Variants in PDZRN4 observed in about 807,000 individuals in gnomAD.
The protein encoded by PDZRN4 is PDZ domain containing ring finger 4.
In PDZRN4, 70 loss-of-function variants were observed where a neutral mutation model predicts 99.0. The observed-to-expected ratio is 0.71, with a 90% confidence interval of 0.58 to 0.86. The LOEUF (loss-of-function observed/expected upper bound fraction) is 0.86, where lower values mean the gene tolerates loss of function less well. Among genes scored for constraint, PDZRN4 ranks in the 40% least tolerant of loss-of-function variants. The pLI, the probability that PDZRN4 is intolerant of heterozygous loss-of-function variation, is 0.00. For missense variants in PDZRN4, 1,474 were observed against 1,331.2 expected (o/e 1.11, Z -1.67); for synonymous variants, 551 against 501.6 (o/e 1.10, Z -1.32).
intron 3 of PDZRN4, among the ~76,000 whole-genome samples, chr12:41,199,046 T>A (rs770357714): frequency 6.6e-6 from 1 of 152,190 alleles, no homozygotes; most frequent in Non-Finnish European, 1.5e-5. Flanking sequence ...GAAAATTAAT[T>A]GCAGTTCAGA....
At chr12:41,568,440 A>G (rs770292322) in intron 9 of PDZRN4, among the ~76,000 whole-genome samples, 4 of 152,172 alleles carry the variant, frequency 2.6e-5, no homozygotes, top group Non-Finnish European at 2.9e-5. Context: ...CACATTTCCC[A>G]TAGTATAACT....
At chr12:41,335,331 T>C (rs934893482) in intron 3 of PDZRN4, among the ~76,000 whole-genome samples, 1 of 152,014 alleles carries the variant, frequency 6.6e-6, no homozygotes, top group African/African-American at 2.4e-5. Flanking sequence ...TTGTTACATA[T>C]GTATACATGT....
chr12:41,488,740 C>T (rs879265732), intron 3 of PDZRN4, among the ~76,000 whole-genome samples: 1 of 152,116 alleles, frequency 6.6e-6, no homozygotes, highest in East Asian at 1.9e-4. Context: ...AGATATAATC[C>T]AAGTCAATTT....
At chr12:41,194,236 G>A (rs1950757037) in intron 3 of PDZRN4, 48 bp downstream of exon 3, 1 of 884,080 alleles carries the variant, frequency 1.1e-6, no homozygotes, top group African/African-American at 1.7e-5. Context: ...GAAAGATTGG[G>A]ATATTTTAAG....
In PDZRN4 at chr12:41,563,659, G is replaced by A; in HGVS notation, c.1467+10G>A. 1 of 1,585,826 alleles carries A rather than the reference G, an allele frequency of 6.3e-7. No individual in the cohort carries two copies. Among genetic ancestry groups the A allele is most frequent in the Non-Finnish European group, 8.7e-7 (1 of 1,155,946 alleles). On this transcript the variant is annotated intron_variant, in intron 8 of 9. Coordinates refer to ENST00000402685, the MANE Select transcript of PDZRN4 (RefSeq NM_001164595.2). ...AAGGCCAGAGATTCAGGTCAGAACAGAGATCAAAAGCCTTGAGACTGAACT... is the reference window on the plus strand; with the variant it reads ...AAGGCCAGAGATTCAGGTCAGAACAAAGATCAAAAGCCTTGAGACTGAACT...
chr12:41,467,240 G>C (rs751092231), intron 3 of PDZRN4, among the ~76,000 whole-genome samples: 1 of 152,110 alleles, frequency 6.6e-6, no homozygotes, highest in Non-Finnish European at 1.5e-5. Context: ...CATGGTAATA[G>C]CATAGAAAAA....
chr12:41,250,809 C>T (rs972945353), intron 3 of PDZRN4, among the ~76,000 whole-genome samples: 11 of 152,142 alleles, frequency 7.2e-5, no homozygotes, highest in African/African-American at 2.7e-4. Flanking sequence ...AAAGTTGTGG[C>T]TTTCTCAAAA....
chr12:41,314,171 G>T (rs1016325182), intron 3 of PDZRN4, among the ~76,000 whole-genome samples: 4 of 152,130 alleles, frequency 2.6e-5, no homozygotes, highest in Non-Finnish European at 4.4e-5. Context: ...CCTGTAGTAA[G>T]TAATTGTGTT....
In PDZRN4 at chr12:41,519,517, C is replaced by G. The variant is rs545646165; in HGVS notation, c.1203+9604C>G. 3.3e-5 allele frequency among the ~76,000 whole-genome samples: 5 copies of G among 152,170 alleles called. No individual in the cohort carries two copies. The South Asian group carries it at 1.0e-3, about 32-fold the overall frequency. The stretch of plus-strand genomic sequence containing the variant: ...CTCTGAAGCAGTAGTCCCCTCACGT[C>G]TTCCTGATCTTAGTCTCTGCCACCT... On this transcript the variant is annotated intron_variant, in intron 5 of 9. Coordinates refer to ENST00000402685, the MANE Select transcript of PDZRN4 (RefSeq NM_001164595.2).
At chr12:41,211,486 T>C (rs190627177) in intron 3 of PDZRN4, among the ~76,000 whole-genome samples, 175 of 152,070 alleles carry the variant, frequency 1.2e-3, no homozygotes, top group African/African-American at 4.0e-3. Context: ...TAGTAATTCC[T>C]ACACTGTTGA....
intron 1 of PDZRN4, 69 bp from the exon 2 acceptor site, chr12:41,191,389 A>T: frequency 1.3e-6 from 1 of 786,054 alleles, no homozygotes; most frequent in Non-Finnish European, 2.1e-6. Flanking sequence ...GTACATAAAA[A>T]CTTATTGTAG....
At chr12:41,326,437 A>G (rs1398873398) in intron 3 of PDZRN4, among the ~76,000 whole-genome samples, 3 of 152,208 alleles carry the variant, frequency 2.0e-5, no homozygotes, top group East Asian at 1.9e-4. Flanking sequence ...TTCAAATTCC[A>G]TTAATTAAAA....
intron 3 of PDZRN4, among the ~76,000 whole-genome samples, chr12:41,384,106 G>C (rs1046396360): frequency 6.8e-6 from 1 of 147,200 alleles, no homozygotes; most frequent in Non-Finnish European, 1.5e-5. Flanking sequence ...GGGTTCAAGC[G>C]ATTCTATAGA....
chr12:41,226,728 T>C (rs1041539404), intron 3 of PDZRN4, among the ~76,000 whole-genome samples: 5 of 152,160 alleles, frequency 3.3e-5, no homozygotes, highest in Non-Finnish European at 7.3e-5. Flanking sequence ...TATTTCAACG[T>C]ATTGCACCTG....
chr12:41,269,450 C>A (rs1432805634), intron 3 of PDZRN4, among the ~76,000 whole-genome samples: 1 of 152,072 alleles, frequency 6.6e-6, no homozygotes, highest in African/African-American at 2.4e-5. Context: ...ACCTTGTTAC[C>A]ACAGTCAGCA....
At chr12:41,391,343 G>T (rs994903680) in intron 3 of PDZRN4, among the ~76,000 whole-genome samples, 1 of 152,136 alleles carries the variant, frequency 6.6e-6, no homozygotes, top group Non-Finnish European at 1.5e-5. Flanking sequence ...CAAAAAGCAT[G>T]AGTTATTTGA....
chr12:41,533,286 C>T lies in PDZRN4; in HGVS notation c.1204-19370C>T, dbSNP rs189549140. Among the ~76,000 whole-genome samples the T allele has an allele frequency of 2.8e-3, 419 of 151,892 alleles. 2 individuals carry two copies. Among genetic ancestry groups the T allele is most frequent in the Admixed American group, 0.01 (158 of 15,260 alleles). ...CCCTCCCGGATTCAAGCAATTCTCC[C>T]GCCTCAGCCTCCTGAGTAGCTGGGA... On this transcript the variant is annotated intron_variant, in intron 5 of 9. Coordinates refer to ENST00000402685, the MANE Select transcript of PDZRN4 (RefSeq NM_001164595.2).
chr12:41,316,455 AAT>A (rs1491230031), intron 3 of PDZRN4, among the ~76,000 whole-genome samples: 1 of 115,952 alleles, frequency 8.6e-6, no homozygotes, highest in Non-Finnish European at 1.9e-5. Context: ...GAAAAAGGCA[AAT>A]GTGTGTGTGT....
At chr12:41,342,124 G>GC (rs1951823020) in intron 3 of PDZRN4, among the ~76,000 whole-genome samples, 1 of 151,916 alleles carries the variant, frequency 6.6e-6, no homozygotes, top group African/African-American at 2.4e-5. Context: ...AATAAATGGT[G>GC]CTGGGGTAAT....
Sources: allele counts gnomAD v4.1 joint callset (sites outside exome capture counted in the v4.1 genomes callset), GRCh38; gene constraint gnomAD v4.1.1; transcripts MANE v1.5; gene names NCBI Gene and HGNC (gene_info 2026-07-23, HGNC 2026-07-21).